The following FHAD1 variants were observed in gnomAD, a reference collection of about 807,000 sequenced individuals.
FHAD1 encodes forkhead associated phosphopeptide binding domain 1.
FHAD1 carries 146 observed loss-of-function variants against 191.3 expected under a neutral mutation model. The ratio of observed to expected loss-of-function variants is 0.76; its 90% CI spans 0.67 to 0.88. The LOEUF (loss-of-function observed/expected upper bound fraction) is 0.88. Among genes scored for constraint, FHAD1 ranks in the 40% least tolerant of loss-of-function variants. The pLI is 0.00. For missense variants in FHAD1, 1,635 were observed against 1,785.8 expected (o/e 0.92, Z 1.52); for synonymous variants, 616 against 672.3 (o/e 0.92, Z 1.29).
intron 21 of FHAD1, among the ~76,000 whole-genome samples, chr1:15,358,509 T>C (rs1464368573): frequency 6.6e-6 from 1 of 152,218 alleles, no homozygotes; most frequent in African/African-American, 2.4e-5. Context: ...ACAGTCGTGA[T>C]CACCAAAAAT....
At chr1:15,254,783 A>C (rs923104029) in intron 2 of FHAD1, among the ~76,000 whole-genome samples, 8 of 152,194 alleles carry the variant, frequency 5.3e-5, no homozygotes, top group Non-Finnish European at 1.0e-4. Context: ...TTGTGAATAG[A>C]CTTTTAATGG....
chr1:15,349,078 G>A lies in FHAD1; in HGVS notation c.2383G>A (p.Ala795Thr), dbSNP rs367725625. 38 of 1,551,348 alleles carry A rather than the reference G, an allele frequency of 2.4e-5. No individual in the cohort carries two copies. The highest frequency in any genetic ancestry group is 3.2e-5 in the Non-Finnish European group (37 of 1,146,910). The part of the protein sequence containing the change: ...ESSIAHEKRK[A>T]KEALESEKRK... ...CAGCATAGCCCATGAAAAAAGAAAA[G>A]CAAAGGAAGCCTTGGAGTCGGAAAA... Residue 795 changes from alanine to threonine, a missense_variant, in exon 19 of 34, where the codon GCA (alanine) becomes ACA (threonine). Transcript: ENST00000688493.
intron 20 of FHAD1, 96 bp downstream of exon 20, chr1:15,353,080 A>G: frequency 3.4e-6 from 3 of 888,542 alleles, no homozygotes; most frequent in Non-Finnish European, 5.3e-6. Context: ...ACCTCTCCCC[A>G]TCCCTGGCTG....
At chr1:15,285,656 G>A (rs754099741) in intron 3 of FHAD1, among the ~76,000 whole-genome samples, 29 of 152,064 alleles carry the variant, frequency 1.9e-4, no homozygotes, top group Non-Finnish European at 3.5e-4. Flanking sequence ...CATTAGCACT[G>A]TGGGGGCTAC....
chr1:15,323,971 A>G (rs562142014), intron 10 of FHAD1, among the ~76,000 whole-genome samples: 90 of 152,336 alleles, frequency 5.9e-4, no homozygotes, highest in African/African-American at 2.0e-3. Context: ...GCAGTTCCTT[A>G]TGGTGTTAGG....
At chr1:15,402,053 C>G (rs1395439540), downstream of FHAD1, among the ~76,000 whole-genome samples, 4 of 152,202 alleles carry the variant, frequency 2.6e-5, no homozygotes, top group East Asian at 7.7e-4. Context: ...GTTTTCCTTT[C>G]TAAGACCCAA....
At chr1:15,279,788 G>A (rs7516179) in intron 3 of FHAD1, among the ~76,000 whole-genome samples, 1 of 151,862 alleles carries the variant, frequency 6.6e-6, no homozygotes, top group Admixed American at 6.6e-5. Flanking sequence ...CAGGCCTGGG[G>A]CATACTCCCT....
chr1:15,245,755 C>T (rs903824874), upstream of FHAD1, among the ~76,000 whole-genome samples: 1 of 152,216 alleles, frequency 6.6e-6, no homozygotes, highest in Non-Finnish European at 1.5e-5. Flanking sequence ...TGCAGTTCAG[C>T]TGCATAAATC....
chr1:15,299,031 A>AAAC (rs1275847138), intron 5 of FHAD1, among the ~76,000 whole-genome samples: 5 of 151,040 alleles, frequency 3.3e-5, no homozygotes, highest in Non-Finnish European at 5.9e-5. Context: ...AACAAAAAAC[A>AAAC]AACAACAACA....
chr1:15,331,486 TGATGGATGGATGGATGGATG>T (rs140320304), intron 14 of FHAD1, among the ~76,000 whole-genome samples: 24 of 83,172 alleles, frequency 2.9e-4, no homozygotes, highest in East Asian at 1.2e-3. Context: ...GTGGGTGGAT[TGATGGATGGATGGATGGATG>T]GATGGATGGA....
chr1:15,293,085 A>C (rs1665456494), intron 4 of FHAD1, among the ~76,000 whole-genome samples: 1 of 152,222 alleles, frequency 6.6e-6, no homozygotes, highest in South Asian at 2.1e-4. Flanking sequence ...AGGGACAAGA[A>C]TCACCAGGGT....
At chr1:15,269,453 T>C (rs576461071) in intron 2 of FHAD1, among the ~76,000 whole-genome samples, 1 of 152,350 alleles carries the variant, frequency 6.6e-6, no homozygotes, top group East Asian at 1.9e-4. Context: ...AATCTCCAAA[T>C]GTTTTGGGAT....
chr1:15,320,622 A>T (rs993186614), intron 10 of FHAD1, among the ~76,000 whole-genome samples: 1 of 152,182 alleles, frequency 6.6e-6, no homozygotes, highest in Non-Finnish European at 1.5e-5. Flanking sequence ...ATTGCTAGAG[A>T]TGTTTTTCCT....
At chr1:15,398,466 G>A (rs1203177534), downstream of FHAD1, among the ~76,000 whole-genome samples, 2 of 151,984 alleles carry the variant, frequency 1.3e-5, no homozygotes, top group Admixed American at 1.3e-4. Context: ...GGAAGCCAAG[G>A]CCCTGAGAAC....
chr1:15,399,077 G>A (rs577463877), downstream of FHAD1, among the ~76,000 whole-genome samples: 21 of 152,092 alleles, frequency 1.4e-4, no homozygotes, highest in Non-Finnish European at 2.2e-4. Flanking sequence ...CCACCTTGGC[G>A]TCCCAAAGTG....
At chr1:15,310,699 T>C (rs528256268) in intron 7 of FHAD1, among the ~76,000 whole-genome samples, 4 of 152,172 alleles carry the variant, frequency 2.6e-5, no homozygotes, top group Non-Finnish European at 5.9e-5. Flanking sequence ...CTGCTGCTTG[T>C]GCACACTTAA....
chr1:15,266,980 G>A (rs1653815514), intron 2 of FHAD1, among the ~76,000 whole-genome samples: 1 of 135,584 alleles, frequency 7.4e-6, no homozygotes, highest in Non-Finnish European at 1.6e-5. Flanking sequence ...ACCTTCTGAA[G>A]AACATTTTGG....
rs187116239 is a variant in FHAD1 at position 15,357,150 on chromosome 1, G to A, written c.2563-960G>A. ...TCATAATACACATTCCTGAGTGAGTGTCTAGAAAGGTCACAGCAGTTTGCA... is the reference window on the plus strand; with the variant it reads ...TCATAATACACATTCCTGAGTGAGTATCTAGAAAGGTCACAGCAGTTTGCA... On this transcript the variant is annotated intron_variant, in intron 20 of 33. Transcript: ENST00000688493. Among the ~76,000 whole-genome samples, 713 of 152,310 alleles carry A rather than the reference G, an allele frequency of 4.7e-3. 3 individuals are homozygous for A. The highest frequency in any genetic ancestry group is 0.02 in the Middle Eastern group (6 of 294).
At chr1:15,245,239 A>T (rs1261329079), upstream of FHAD1, among the ~76,000 whole-genome samples, 1 of 152,152 alleles carries the variant, frequency 6.6e-6, no homozygotes, top group Non-Finnish European at 1.5e-5. Flanking sequence ...AAATATTCTA[A>T]CTATAGCAAG....
Sources: allele counts gnomAD v4.1 joint callset (sites outside exome capture counted in the v4.1 genomes callset), GRCh38; gene constraint gnomAD v4.1.1; transcripts MANE v1.5; gene names NCBI Gene and HGNC (gene_info 2026-07-23, HGNC 2026-07-21).